Variants in PLAA observed in about 807,000 individuals in gnomAD.
The protein encoded by PLAA is phospholipase A2 activating protein, also known as phospholipase A-2-activating protein.
In PLAA, 48 loss-of-function variants were observed where a neutral mutation model predicts 84.1. The observed-to-expected ratio is 0.57, with a 90% CI of 0.45 to 0.73. PLAA has a LOEUF of 0.73. Ranked by LOEUF, PLAA falls within the 30% of genes least tolerant of loss-of-function variation. PLAA has a pLI of 0.00. For synonymous variants in PLAA, 392 were observed against 336.6 expected (o/e 1.16, Z -1.80); for missense variants, 903 against 954.7 (o/e 0.95, Z 0.71).
intron 11 of PLAA, among the ~76,000 whole-genome samples, chr9:26,913,394 C>T (rs951115680): frequency 6.6e-6 from 1 of 152,074 alleles, no homozygotes; most frequent in Non-Finnish European, 1.5e-5. Context: ...CTATTCCAGG[C>T]ATAAATCACA....
At chr9:26,934,669 G>A (rs1489863729) in intron 2 of PLAA, among the ~76,000 whole-genome samples, 5 of 151,662 alleles carry the variant, frequency 3.3e-5, no homozygotes, top group Admixed American at 6.6e-5. Flanking sequence ...TAGTAGAGGC[G>A]GGGTTTTGCA....
intron 10 of PLAA, among the ~76,000 whole-genome samples, chr9:26,914,911 GGAA>G (rs1824502108): frequency 6.6e-6 from 1 of 152,056 alleles, no homozygotes; most frequent in South Asian, 2.1e-4. Context: ...AAACACTTGG[GGAA>G]CTTTAAAAAA....
intron 1 of PLAA, among the ~76,000 whole-genome samples, chr9:26,937,509 A>C (rs925423166): frequency 6.6e-6 from 1 of 152,182 alleles, no homozygotes; most frequent in Admixed American, 6.5e-5. Context: ...CATACAAATA[A>C]ACAGAAAAGT....
Position 26,925,896 on chromosome 9 carries a change from A to G in PLAA, c.798T>C (p.Thr266=), listed in dbSNP as rs780038856. Residue 266 remains threonine, a synonymous_variant, in exon 6 of 14, where the codon ACT becomes ACC. Coordinates refer to ENST00000397292, the MANE Select transcript of PLAA (RefSeq NM_001031689.3). ...ATATAGACTGAGCTGGAAGTCGGAT[A>G]GTTTGAGCACATTCCCCATGTTTCC... ...RIWKHGECAQ[T]IRLPAQSIWC... The G allele has an allele frequency of 6.2e-7, 1 of 1,613,754 alleles. No homozygotes were observed. Among genetic ancestry groups the G allele is most frequent in the African/African-American group, 1.3e-5 (1 of 75,068 alleles).
chr9:26,913,962 T>C lies in PLAA; in HGVS notation c.1487-15A>G, dbSNP rs1824475564. 1.9e-6 allele frequency: 3 copies of C among 1,577,948 alleles called. No individual in the cohort carries two copies. Among genetic ancestry groups the C allele is most frequent in the Non-Finnish European group, 2.6e-6 (3 of 1,148,594 alleles). On this transcript the variant is annotated splice_polypyrimidine_tract_variant and intron_variant, in intron 10 of 13. Transcript: ENST00000397292. ...ACGACCAGCACCTACAATACAATAA[T>C]ACTCCTAGTAAGCAAAGGTGACTGT...
At position 26,919,425 on chromosome 9, in the gene PLAA, T is replaced by G; in HGVS notation, c.1302A>C (p.Leu434Phe). 1 of 1,611,196 alleles carries G rather than the reference T, an allele frequency of 6.2e-7. No homozygotes were observed. The highest frequency in any genetic ancestry group is 1.1e-5 in the South Asian group (1 of 91,018). ...ACATAGGATTCAAATCATTCTTCTGTAAGAAGTTGTATGCAGTTAACCAAG... is the reference window on the plus strand; with the variant it reads ...ACATAGGATTCAAATCATTCTTCTGGAAGAAGTTGTATGCAGTTAACCAAG... ...DDPWLTAYNF[L>F]QKNDLNPMFL... The change falls in exon 9 of 14, where the codon TTA becomes TTC. Residue 434 changes from leucine (L) to phenylalanine (F), a missense_variant. Leu to Phe is a conservative substitution (Grantham distance 22). Coordinates refer to ENST00000397292, the MANE Select transcript of PLAA (RefSeq NM_001031689.3).
chr9:26,944,327 AT>A (rs35496684), intron 1 of PLAA, among the ~76,000 whole-genome samples: 14,889 of 152,236 alleles, frequency 0.098, 1,535 homozygotes, highest in East Asian at 0.57. Context: ...AGTCTGTGGT[AT>A]TCTGCTACAG....
In PLAA at chr9:26,923,167, A is replaced by G; in HGVS notation, c.1039+11T>C. The G allele has an allele frequency of 2.6e-6, 4 of 1,568,530 alleles. No individual in the cohort carries two copies. The highest frequency in any genetic ancestry group is 3.5e-6 in the Non-Finnish European group (4 of 1,152,894). ...GTGAATTTTTTCTACTAGGTACAAT[A>G]AAATACTTACCAGGTTCATTAAGAT... On this transcript the variant is annotated intron_variant, in intron 7 of 13. Transcript: ENST00000397292.
At chr9:26,946,856 G>C (rs1468546629) in intron 1 of PLAA, 41 bp downstream of exon 1, 2 of 1,533,040 alleles carry the variant, frequency 1.3e-6, no homozygotes, top group Non-Finnish European at 1.8e-6. Context: ...TCTCCGGGAA[G>C]CGTGCAACAC....
rs529171624 is a variant in PLAA, at chr9:26,915,999, C to T, written c.1486+1098G>A. 131 of 985,340 alleles carry T rather than the reference C, an allele frequency of 1.3e-4. 2 individuals are homozygous for T. In the African/African-American group the frequency reaches 2.1e-3, roughly 15 times the overall value. The allele number at this position is 985,340 out of a possible 1,614,324, so 61.0% of individuals were successfully genotyped here. A position where few individuals can be genotyped will look rare whatever the true frequency, so the allele number is the denominator to read the frequency against. ...AATCACATTATGTTATCAAAGACTT[C>T]CTTAACAGCCACTGTGCCATAACAG... On this transcript the variant is annotated intron_variant, in intron 10 of 13. Coordinates refer to ENST00000397292, the MANE Select transcript of PLAA (RefSeq NM_001031689.3).
Position 26,935,005 on chromosome 9 carries a change from A to G in PLAA, c.343+8T>C. 1 of 1,563,386 alleles carries G rather than the reference A, an allele frequency of 6.4e-7. No homozygotes were observed. The highest frequency in any genetic ancestry group is 8.7e-7 in the Non-Finnish European group (1 of 1,151,604). Reference sequence around the variant, plus strand: ...AATAGAAAAACACCAAAGCATTATTATACTCACCAGTATTTTTGTGGCCTT... The same window carrying G: ...AATAGAAAAACACCAAAGCATTATTGTACTCACCAGTATTTTTGTGGCCTT... On this transcript the variant is annotated splice_region_variant and intron_variant, in intron 2 of 13. Coordinates refer to ENST00000397292, the MANE Select transcript of PLAA (RefSeq NM_001031689.3).
chr9:26,913,965 T>C lies in PLAA; in HGVS notation c.1487-18A>G. ...ACCAGCACCTACAATACAATAATAC[T>C]CCTAGTAAGCAAAGGTGACTGTAAA... On this transcript the variant is annotated intron_variant, in intron 10 of 13. Coordinates refer to ENST00000397292, the MANE Select transcript of PLAA (RefSeq NM_001031689.3). 6.4e-7 allele frequency: 1 copy of C among 1,566,356 alleles called. No homozygotes were observed. The highest frequency in any genetic ancestry group is 8.8e-7 in the Non-Finnish European group (1 of 1,138,846).
chr9:26,908,430 T>C (rs911683313), intron 12 of PLAA, among the ~76,000 whole-genome samples: 27 of 151,450 alleles, frequency 1.8e-4, no homozygotes, highest in African/African-American at 6.6e-4. Context: ...CCTCCCGAAG[T>C]GCTGTGATTA....
At chr9:26,923,374 G>A in intron 6 of PLAA, 27 bp from the exon 7 acceptor site, 1 of 1,529,912 alleles carries the variant, frequency 6.5e-7, no homozygotes. Flanking sequence ...ACTGATTTTA[G>A]AAGTCATTGC....
intron 13 of PLAA, 140 bp downstream of exon 13, chr9:26,907,694 C>A (rs777504357): frequency 9.0e-5 from 60 of 664,384 alleles, no homozygotes; most frequent in Non-Finnish European, 1.3e-4. Context: ...TGTAGTGAAC[C>A]CTTTTCGTGA....
chr9:26,906,238 TTTG>T (rs1232767996), intron 13 of PLAA, among the ~76,000 whole-genome samples, 162 bp from the exon 14 acceptor site: 3 of 152,096 alleles, frequency 2.0e-5, no homozygotes, highest in East Asian at 1.9e-4. Context: ...TTCTGAAACT[TTTG>T]TTAATTTTTC....
intron 8 of PLAA, 65 bp from the exon 9 acceptor site, chr9:26,919,594 A>G: frequency 1.2e-6 from 1 of 838,484 alleles, no homozygotes; most frequent in Non-Finnish European, 2.0e-6. Context: ...AATGACATAT[A>G]CAACATAACA....
chr9:26,928,236 G>GT lies in PLAA; in HGVS notation c.445-17dup. On this transcript the variant is annotated splice_polypyrimidine_tract_variant and intron_variant, in intron 3 of 13. Transcript: ENST00000397292. ...CTGTATGACCCTGTGAGTAAAATGA[G>GT]TATCAATTTAAGTTGCCACAGAATC... 3 of 1,613,948 alleles carry GT rather than the reference G, an allele frequency of 1.9e-6. No individual in the cohort carries two copies. Among genetic ancestry groups the GT allele is most frequent in the Non-Finnish European group, 2.5e-6 (3 of 1,179,878 alleles).
Position 26,903,505 on chromosome 9 carries a change from GCCACAA to G in PLAA, c.*2000_*2005del, listed in dbSNP as rs1437220166. ...ATACATTTACATACATAGTCACTAT[GCCACAA>G]GATGTTAAGAATAGTTTTCTCTAGA... On this transcript the variant is annotated 3_prime_UTR_variant, in exon 14 of 14. Transcript: ENST00000397292. Among the ~76,000 whole-genome samples, 2 of 152,162 alleles carry G rather than the reference GCCACAA, an allele frequency of 1.3e-5. No homozygotes were observed.
Sources: gnomAD v4.1 joint callset for allele counts (sites outside exome capture counted in the v4.1 genomes callset) on GRCh38, gnomAD v4.1.1 for gene constraint, MANE v1.5 for transcripts, NCBI Gene and HGNC (gene_info 2026-07-23, HGNC 2026-07-21) for gene names.